Variants in HEATR1 observed in about 807,000 individuals in gnomAD.
The protein encoded by HEATR1 is HEAT repeat-containing protein 1.
Under a neutral mutation model 248.2 loss-of-function variants are expected in HEATR1, and 77 were observed. That is an observed-to-expected ratio of 0.31 (90% CI 0.26 to 0.37). The LOEUF is 0.37. HEATR1 is among the 10% of genes least tolerant of loss of function. The pLI is 1.00. For missense variants in HEATR1, 2,420 were observed against 2,504.9 expected (o/e 0.97, Z 0.72); for synonymous variants, 897 against 923.1 (o/e 0.97, Z 0.51).
rs1438861064 is a variant in HEATR1, at chr1:236,566,662, G to A, written c.4292C>T (p.Ala1431Val). The A allele has an allele frequency of 1.2e-6, 2 of 1,613,410 alleles. No individual in the cohort carries two copies. The highest frequency in any genetic ancestry group is 1.7e-6 in the Non-Finnish European group (2 of 1,179,666). ...GGTTCTGACCTTTTCGCCATAGGCA[G>A]CCGCCAGCACTGTTTTTGTGACATA... is the stretch of plus-strand genomic sequence containing the variant. ...EQYVTKTVLA[A>V]AYGEKDAILE... is the part of the protein sequence containing the mutation. The change falls in exon 30 of 45, where the codon GCT (alanine) becomes GTT (valine). Residue 1431 changes from alanine (A) to valine (V), a missense_variant. Physicochemically the swap from Ala to Val is moderately conservative, Grantham distance 64. Transcript: ENST00000366582.
chr1:236,604,049 C>A lies in HEATR1; in HGVS notation c.47G>T (p.Ser16Ile), dbSNP rs200735956. The A allele has an allele frequency of 2.0e-5, 32 of 1,585,800 alleles. 1 individual carries two copies. In the East Asian group the frequency reaches 7.5e-4, roughly 37 times the overall value. ...ATCTCTAGATAAGAGGCTGGCATCA[C>A]TTTGAGGGAGGGCGAGTCGTTGCAG... ...QQLQRLALPQ[S>I]DASLLSRDEV... Residue 16 changes from serine to isoleucine, a missense_variant, in exon 2 of 45, where the codon AGT becomes ATT. Ser to Ile is a moderately radical substitution (Grantham distance 142). Transcript: ENST00000366582.
intron 3 of HEATR1, among the ~76,000 whole-genome samples, chr1:236,601,967 TAAAA>T (rs34239680): frequency 6.8e-6 from 1 of 146,986 alleles, no homozygotes; most frequent in African/African-American, 2.5e-5. Context: ...CCATCTTTAC[TAAAA>T]AAAAAAAAAT....
intron 8 of HEATR1, among the ~76,000 whole-genome samples, 154 bp downstream of exon 8, chr1:236,595,386 C>G (rs1664150566): frequency 1.3e-5 from 2 of 152,056 alleles, no homozygotes; most frequent in Non-Finnish European, 2.9e-5. Context: ...TGCTCCCCAC[C>G]CCAGATGTTT....
intron 21 of HEATR1, 63 bp from the exon 22 acceptor site, chr1:236,576,440 T>A: frequency 8.3e-7 from 1 of 1,202,894 alleles, no homozygotes; most frequent in Non-Finnish European, 1.2e-6. Flanking sequence ...CTAAATATAT[T>A]AATTACGGAA....
At chr1:236,587,806 C>CTT (rs1336645511) in intron 13 of HEATR1, 142 bp downstream of exon 13, 4 of 556,682 alleles carry the variant, frequency 7.2e-6, no homozygotes, top group African/African-American at 1.9e-5. Context: ...CCTAACCAGA[C>CTT]TTAAGTCTGT....
At position 236,585,884 on chromosome 1, in the gene HEATR1, T is replaced by A; in HGVS notation, c.1985A>T (p.Gln662Leu). ...KPGKLIGVANQKMIELLADNI... is the reference protein window; with the variant it reads ...KPGKLIGVANLKMIELLADNI... ...ATCAGCCAACAACTCAATCATCTTC[T>A]GATTTGCTACACCGATTAGTTTTCC... Residue 662 changes from glutamine to leucine, a missense_variant, in exon 16 of 45, where the codon CAG (glutamine) becomes CTG (leucine). Physicochemically the swap from Gln to Leu is moderately radical, Grantham distance 113. Transcript: ENST00000366582. 1 of 1,613,138 alleles carries A rather than the reference T, an allele frequency of 6.2e-7. No homozygotes were observed. Among genetic ancestry groups the A allele is most frequent in the Non-Finnish European group, 8.5e-7 (1 of 1,179,282 alleles).
chr1:236,565,668 C>G (rs1663249956), intron 31 of HEATR1, among the ~76,000 whole-genome samples: 1 of 152,152 alleles, frequency 6.6e-6, no homozygotes, highest in Non-Finnish European at 1.5e-5. Context: ...CCTAACTCAT[C>G]CTGGATACCA....
intron 17 of HEATR1, among the ~76,000 whole-genome samples, chr1:236,584,617 C>T (rs1663836936): frequency 6.6e-6 from 1 of 152,152 alleles, no homozygotes; most frequent in Non-Finnish European, 1.5e-5. Flanking sequence ...GGATACACAT[C>T]TATGTAATAT....
At chr1:236,566,597 C>G in intron 30 of HEATR1, 49 bp downstream of exon 30, 3 of 1,324,854 alleles carry the variant, frequency 2.3e-6, no homozygotes, top group Non-Finnish European at 3.2e-6. Context: ...ATCATAAAAT[C>G]TGTGTGAGAA....
At chr1:236,601,983 C>T (rs866564829) in intron 3 of HEATR1, among the ~76,000 whole-genome samples, 1 of 146,372 alleles carries the variant, frequency 6.8e-6, no homozygotes. Flanking sequence ...AAAAAAAATA[C>T]AAAAAATTAA....
chr1:236,552,097 G>A lies in HEATR1; in HGVS notation c.6248C>T (p.Ala2083Val), dbSNP rs530544216. ...TRDSSPKVRFAALITVLALAE... is the reference protein window; with the variant it reads ...TRDSSPKVRFVALITVLALAE... ...CAGTGCTAACACAGTAATCAAAGCAGCAAATCGAACCTGAAAGGGATAAAA... is the reference window on the plus strand; with the variant it reads ...CAGTGCTAACACAGTAATCAAAGCAACAAATCGAACCTGAAAGGGATAAAA... The change falls in exon 44 of 45, where the codon GCT becomes GTT. Residue 2083 changes from alanine to valine, a missense_variant. By Grantham distance (64) the Ala-to-Val change is moderately conservative. Transcript: ENST00000366582. 1.2e-6 allele frequency: 2 copies of A among 1,608,640 alleles called. No homozygotes were observed. The highest frequency in any genetic ancestry group is 8.5e-7 in the Non-Finnish European group (1 of 1,176,208).
intron 29 of HEATR1, among the ~76,000 whole-genome samples, chr1:236,568,322 T>C (rs1003651399): frequency 6.6e-6 from 1 of 152,202 alleles, no homozygotes; most frequent in African/African-American, 2.4e-5. Flanking sequence ...GCCAACTTGG[T>C]GGACACTGAG....
chr1:236,554,648 A>G lies in HEATR1; in HGVS notation c.6028T>C (p.Phe2010Leu), dbSNP rs770148279. 8 of 1,613,356 alleles carry G rather than the reference A, an allele frequency of 5.0e-6. No homozygotes were observed. Among genetic ancestry groups the G allele is most frequent in the Non-Finnish European group, 5.9e-6 (7 of 1,179,752 alleles). Residue 2010 changes from phenylalanine to leucine, a missense_variant, in exon 42 of 45, where the codon TTT becomes CTT. Phe to Leu is a conservative substitution (Grantham distance 22). Transcript: ENST00000366582. Reference protein sequence around the residue: ...YKIFLFDTQHFISKERAEALM... With the variant: ...YKIFLFDTQHLISKERAEALM... ...GCTTCTGCTCTCTCTTTACTTATAA[A>G]ATGCTGGGTATCAAAAAGGAAGATT...
Position 236,558,241 on chromosome 1 carries a change from G to C in HEATR1, c.5200C>G (p.Pro1734Ala). The change falls in exon 36 of 45, where the codon CCC becomes GCC. Residue 1734 changes from proline to alanine, a missense_variant. Transcript: ENST00000366582. The stretch of plus-strand genomic sequence containing the variant: ...TCCAAGTCTCCGGCCGCATACCTGG[G>C]AAGCTGGGGGATGGCCAGCGCCTCC... The part of the protein sequence containing the change: ...TLEALAIPQL[P>A]SLMPSLLTTM... The C allele has an allele frequency of 6.2e-7, 1 of 1,610,688 alleles. No individual in the cohort carries two copies. Among genetic ancestry groups the C allele is most frequent in the East Asian group, 2.2e-5 (1 of 44,814 alleles).
At chr1:236,584,027 G>A (rs929893543) in intron 17 of HEATR1, among the ~76,000 whole-genome samples, 2 of 152,140 alleles carry the variant, frequency 1.3e-5, no homozygotes, top group African/African-American at 4.8e-5. Flanking sequence ...TGTACAAGCA[G>A]TACAGAGTAA....
Position 236,554,800 on chromosome 1 carries a change from T to C in HEATR1, c.5924-48A>G, listed in dbSNP as rs566655389. On this transcript the variant is annotated intron_variant, in intron 41 of 44. Transcript: ENST00000366582. ...AATGAAAAAACACTGAACTTAACCA[T>C]TTAATCTCCAATGTTTACATTGAAA... 3.4e-6 allele frequency: 5 copies of C among 1,475,252 alleles called. No individual in the cohort carries two copies. In the African/African-American group the frequency reaches 4.3e-5, roughly 13 times the overall value. The allele number at this position is 1,475,252 out of a possible 1,614,324, so 91.4% of individuals were successfully genotyped here.
At chr1:236,571,308 A>G in intron 28 of HEATR1, 43 bp downstream of exon 28, 1 of 1,553,900 alleles carries the variant, frequency 6.4e-7, no homozygotes, top group Non-Finnish European at 8.7e-7. Context: ...TGGAAGAAAA[A>G]TATCTGAAAT....
In HEATR1 at chr1:236,569,031, T is replaced by C. The variant is rs1260154485; in HGVS notation, c.4042A>G (p.Lys1348Glu). The C allele has an allele frequency of 1.9e-5, 31 of 1,609,806 alleles. No homozygotes were observed. Among genetic ancestry groups the C allele is most frequent in the Non-Finnish European group, 2.5e-5 (29 of 1,178,506 alleles). ...DDTYSFQVINKTVKMVIPALI... is the reference protein window; with the variant it reads ...DDTYSFQVINETVKMVIPALI... ...GCGGGAATAACCATTTTCACTGTCT[T>C]GTTAATAACTTGAAAACTGTAAGTA... The change falls in exon 29 of 45, where the codon AAG becomes GAG. Residue 1348 changes from lysine to glutamate, a missense_variant. Physicochemically the swap from Lys to Glu is moderately conservative, Grantham distance 56 (BLOSUM62 1). Transcript: ENST00000366582.
At chr1:236,556,880 T>C (rs1662993321) in intron 37 of HEATR1, among the ~76,000 whole-genome samples, 1 of 151,880 alleles carries the variant, frequency 6.6e-6, no homozygotes, top group African/African-American at 2.4e-5. Flanking sequence ...TTTCCACAAG[T>C]AATAAAAGGC....
Sources: gnomAD v4.1 joint callset for allele counts (sites outside exome capture counted in the v4.1 genomes callset) on GRCh38, gnomAD v4.1.1 for gene constraint, MANE v1.5 for transcripts, NCBI Gene and HGNC (gene_info 2026-07-23, HGNC 2026-07-21) for gene names.